The following UBE2E3 variants were observed in gnomAD, a reference collection of about 807,000 sequenced individuals.
UBE2E3 encodes the protein ubiquitin conjugating enzyme E2 E3, also known as ubiquitin-conjugating enzyme E2 E3.
In UBE2E3, 5 loss-of-function variants were observed where a neutral mutation model predicts 23.6. That is an observed-to-expected ratio of 0.21 (90% confidence interval 0.11 to 0.44). The LOEUF (loss-of-function observed/expected upper bound fraction) is 0.44, where lower values mean the gene tolerates loss of function less well. Among genes scored for constraint, UBE2E3 ranks in the 20% least tolerant of loss-of-function variants. The pLI, the probability that UBE2E3 is intolerant of heterozygous loss-of-function variation, is 0.99. For synonymous variants in UBE2E3, 78 were observed against 87.5 expected, an observed-to-expected ratio of 0.89 and a Z score of 0.60; for missense variants, 81 against 249.8, an observed-to-expected ratio of 0.32 and a Z score of 4.55.
chr2:180,999,216 C>T (rs4531897), intron 3 of UBE2E3, among the ~76,000 whole-genome samples: 35,282 of 151,906 alleles, frequency 0.23, 4,460 homozygotes, highest in Non-Finnish European at 0.28. Flanking sequence ...ATTACATGAC[C>T]GCAAAGAATG....
At chr2:181,020,259 T>C (rs1371626531) in intron 3 of UBE2E3, among the ~76,000 whole-genome samples, 2 of 152,140 alleles carry the variant, frequency 1.3e-5, no homozygotes. Flanking sequence ...TTGCCTCTAT[T>C]AGCTTGTGTT....
At chr2:181,036,092 G>GCAA (rs1686270042) in intron 3 of UBE2E3, among the ~76,000 whole-genome samples, 1 of 152,108 alleles carries the variant, frequency 6.6e-6, no homozygotes, top group Non-Finnish European at 1.5e-5. Flanking sequence ...CAGGCAACAG[G>GCAA]CAACATCTTG....
At chr2:181,047,430 C>T (rs1236949817) in intron 3 of UBE2E3, among the ~76,000 whole-genome samples, 1 of 152,094 alleles carries the variant, frequency 6.6e-6, no homozygotes, top group Admixed American at 6.6e-5. Flanking sequence ...TTGTCTGTCT[C>T]TTTGACATAC....
chr2:181,060,545 T>G (rs976599991), intron 4 of UBE2E3, 120 bp from the exon 5 acceptor site: 12 of 1,062,606 alleles, frequency 1.1e-5, no homozygotes, highest in Non-Finnish European at 1.5e-5. Flanking sequence ...CTAATCTAAG[T>G]TTAGCTCCAG....
chr2:180,985,066 C>T (rs1460756006), intron 3 of UBE2E3, among the ~76,000 whole-genome samples: 6 of 152,042 alleles, frequency 3.9e-5, no homozygotes, highest in African/African-American at 9.7e-5. Context: ...TCTCTGAAGT[C>T]TGCTTGTGAT....
intron 3 of UBE2E3, among the ~76,000 whole-genome samples, chr2:181,025,698 C>T (rs894089305): frequency 4.7e-5 from 7 of 150,472 alleles, no homozygotes; most frequent in Admixed American, 3.3e-4. Flanking sequence ...TATTAATAAT[C>T]TTCTACAGTC....
chr2:181,053,314 G>T (rs186552581), intron 3 of UBE2E3, among the ~76,000 whole-genome samples: 2 of 151,742 alleles, frequency 1.3e-5, no homozygotes, highest in Non-Finnish European at 2.9e-5. Flanking sequence ...TATTATAGAA[G>T]AAATAGTTTA....
intron 3 of UBE2E3, among the ~76,000 whole-genome samples, chr2:181,019,586 A>G (rs1253542299): frequency 2.0e-5 from 3 of 152,158 alleles, no homozygotes; most frequent in Non-Finnish European, 4.4e-5. Context: ...TAATTATCTC[A>G]AAAATTATTT....
intron 3 of UBE2E3, among the ~76,000 whole-genome samples, chr2:180,994,676 G>A (rs568094839): frequency 1.3e-5 from 2 of 152,168 alleles, no homozygotes; most frequent in East Asian, 1.9e-4. Flanking sequence ...ATTTATACAC[G>A]ACTTTTTTCA....
At chr2:181,026,179 G>A (rs1049463771) in intron 3 of UBE2E3, among the ~76,000 whole-genome samples, 4 of 151,812 alleles carry the variant, frequency 2.6e-5, no homozygotes, top group Non-Finnish European at 4.4e-5. Context: ...ACCCTTTGGA[G>A]GATTAAGTTA....
intron 3 of UBE2E3, among the ~76,000 whole-genome samples, chr2:181,043,045 T>C (rs983189436): frequency 3.3e-5 from 5 of 152,334 alleles, no homozygotes; most frequent in South Asian, 4.1e-4. Flanking sequence ...TCAAGTCTTA[T>C]GCCTGCACAA....
chr2:180,993,900 C>G (rs530131792), intron 3 of UBE2E3, among the ~76,000 whole-genome samples: 6 of 152,052 alleles, frequency 3.9e-5, no homozygotes, highest in African/African-American at 1.4e-4. Context: ...TTATTCTTGC[C>G]TCATACTTGT....
chr2:181,053,708 A>C (rs894448514), intron 3 of UBE2E3, among the ~76,000 whole-genome samples: 1 of 151,788 alleles, frequency 6.6e-6, no homozygotes, highest in South Asian at 2.1e-4. Context: ...CATCATTATC[A>C]TGCAAAGTCC....
intron 3 of UBE2E3, among the ~76,000 whole-genome samples, chr2:180,997,458 T>G (rs368776230): frequency 6.6e-6 from 1 of 152,130 alleles, no homozygotes; most frequent in African/African-American, 2.4e-5. Context: ...GAAATGTGTC[T>G]TCTTTCTCCC....
At chr2:181,040,705 G>A (rs2105664948) in intron 3 of UBE2E3, among the ~76,000 whole-genome samples, 1 of 152,284 alleles carries the variant, frequency 6.6e-6, no homozygotes, top group Admixed American at 6.5e-5. Context: ...AAACAGTTTA[G>A]TCTGATGACA....
chr2:181,058,841 C>T (rs1355241643), intron 4 of UBE2E3, among the ~76,000 whole-genome samples: 1 of 151,638 alleles, frequency 6.6e-6, no homozygotes, highest in Non-Finnish European at 1.5e-5. Context: ...TACCCCAAAC[C>T]GCAGACACCA....
At chr2:181,040,888 C>T (rs2105665268) in intron 3 of UBE2E3, among the ~76,000 whole-genome samples, 1 of 151,956 alleles carries the variant, frequency 6.6e-6, no homozygotes. Flanking sequence ...AAGCAGAAGA[C>T]TTGAATTTTC....
intron 3 of UBE2E3, among the ~76,000 whole-genome samples, chr2:181,011,616 T>A (rs1436923622): frequency 1.3e-5 from 2 of 152,192 alleles, no homozygotes; most frequent in Non-Finnish European, 2.9e-5. Context: ...GGAACGATGG[T>A]ATAGAAGTGC....
chr2:181,007,736 G>A (rs942136239), intron 3 of UBE2E3, among the ~76,000 whole-genome samples: 3 of 152,092 alleles, frequency 2.0e-5, no homozygotes, highest in African/African-American at 7.2e-5. Context: ...TGCTGCTGCA[G>A]GTTTCTGTCT....
Sources: allele counts gnomAD v4.1 joint callset (sites outside exome capture counted in the v4.1 genomes callset), GRCh38; gene constraint gnomAD v4.1.1; transcripts MANE v1.5; gene names NCBI Gene and HGNC (gene_info 2026-07-23, HGNC 2026-07-21).